The following SPAST variants were observed in gnomAD, a reference collection of about 807,000 sequenced individuals.
SPAST encodes spastin.
A neutral mutation model predicts 76.6 loss-of-function variants in SPAST; 30 were observed. That is an observed-to-expected ratio of 0.39 (90% confidence interval 0.29 to 0.53). The LOEUF (loss-of-function observed/expected upper bound fraction) is 0.53, where lower values mean the gene tolerates loss of function less well. SPAST is among the 20% of genes least tolerant of loss of function. The pLI, the probability that SPAST is intolerant of heterozygous loss-of-function variation, is 0.68. For missense variants in SPAST, 717 were observed against 770.5 expected (o/e 0.93, Z 0.82); for synonymous variants, 305 against 281.0 (o/e 1.09, Z -0.86).
At chr2:32,143,458 T>G in intron 14 of SPAST, 43 bp downstream of exon 14, 1 of 1,145,316 alleles carries the variant, frequency 8.7e-7, no homozygotes, top group East Asian at 2.5e-5. Flanking sequence ...TTTTATTTAT[T>G]TTTTGTAAAT....
At chr2:32,105,381 T>C (rs1383079992) in intron 4 of SPAST, among the ~76,000 whole-genome samples, 7 of 152,208 alleles carry the variant, frequency 4.6e-5, no homozygotes, top group Non-Finnish European at 4.4e-5. Flanking sequence ...TTTTAGCTTC[T>C]TTGCAATGGT....
intron 15 of SPAST, among the ~76,000 whole-genome samples, chr2:32,146,574 G>C (rs1679892329): frequency 6.6e-6 from 1 of 150,998 alleles, no homozygotes; most frequent in African/African-American, 2.4e-5. Context: ...GTCTTAAAAA[G>C]TAAATAAATA....
chr2:32,146,732 G>A (rs1002670335), intron 15 of SPAST, among the ~76,000 whole-genome samples: 1 of 151,650 alleles, frequency 6.6e-6, no homozygotes, highest in Non-Finnish European at 1.5e-5. Context: ...AGGCGTGGTT[G>A]TGCGCACCTG....
At chr2:32,141,809 T>G in intron 12 of SPAST, 95 bp from the exon 13 acceptor site, 2 of 978,166 alleles carry the variant, frequency 2.0e-6, no homozygotes, top group Admixed American at 2.1e-5. Context: ...TTCCAGTGCC[T>G]TGAATATTAT....
At chr2:32,073,906 T>G (rs1676850004) in intron 1 of SPAST, among the ~76,000 whole-genome samples, 1 of 152,186 alleles carries the variant, frequency 6.6e-6, no homozygotes, top group Non-Finnish European at 1.5e-5. Flanking sequence ...TTACATAACT[T>G]TTCTGCTCTT....
intron 9 of SPAST, chr2:32,129,888 A>C (rs990045586): frequency 2.0e-5 from 3 of 152,352 alleles, no homozygotes; most frequent in African/African-American, 7.3e-5. Context: ...AGTCCCAGCT[A>C]CTCAGGAAGC....
intron 1 of SPAST, among the ~76,000 whole-genome samples, chr2:32,075,917 T>TC (rs1676945332): frequency 6.9e-6 from 1 of 144,062 alleles, no homozygotes; most frequent in Non-Finnish European, 1.5e-5. Context: ...TTTTTTTTTT[T>TC]TGAGACAGAG....
chr2:32,083,979 A>G (rs947227207), intron 1 of SPAST, among the ~76,000 whole-genome samples: 4 of 148,624 alleles, frequency 2.7e-5, no homozygotes, highest in Admixed American at 2.0e-4. Context: ...GAGTTTCGCC[A>G]TGTTGTCCAG....
rs150777408 is a variant in SPAST, at chr2:32,111,853, G to A, written c.683-2785G>A. Among the ~76,000 whole-genome samples the A allele has an allele frequency of 8.9e-3, 1,343 of 151,250 alleles. 23 individuals carry two copies. Among genetic ancestry groups the A allele is most frequent in the South Asian group, 0.049 (237 of 4,808 alleles). ...ACAAACATTTGTTACTTCTGATAGAGAGTCTGCTGTCATTCTCATACTTGT... is the reference window on the plus strand; with the variant it reads ...ACAAACATTTGTTACTTCTGATAGAAAGTCTGCTGTCATTCTCATACTTGT... On this transcript the variant is annotated intron_variant, in intron 4 of 16. Coordinates refer to ENST00000315285, the MANE Select transcript of SPAST (RefSeq NM_014946.4).
At chr2:32,094,573 A>C (rs2148714305) in intron 3 of SPAST, among the ~76,000 whole-genome samples, 1 of 152,360 alleles carries the variant, frequency 6.6e-6, no homozygotes, top group South Asian at 2.1e-4. Context: ...ATGAAGTCAG[A>C]GAACTCATGC....
intron 4 of SPAST, among the ~76,000 whole-genome samples, chr2:32,104,195 A>G (rs1028494780): frequency 6.6e-6 from 1 of 152,158 alleles, no homozygotes; most frequent in Non-Finnish European, 1.5e-5. Flanking sequence ...TGATCCCTTT[A>G]GCATTATATG....
chr2:32,078,270 C>G (rs1010017506), intron 1 of SPAST, among the ~76,000 whole-genome samples: 15 of 152,186 alleles, frequency 9.9e-5, no homozygotes, highest in African/African-American at 3.6e-4. Flanking sequence ...CTCCCAGGTT[C>G]AAGTGATTGT....
intron 1 of SPAST, 60 bp downstream of exon 1, chr2:32,064,306 G>C (rs1224395849): frequency 7.5e-7 from 1 of 1,332,332 alleles, no homozygotes; most frequent in Non-Finnish European, 1.0e-6. Flanking sequence ...GGGGTCGCCG[G>C]GGGAGGGCAA....
chr2:32,112,346 CTTT>C (rs11434154), intron 4 of SPAST, among the ~76,000 whole-genome samples: 1 of 132,940 alleles, frequency 7.5e-6, no homozygotes, highest in Non-Finnish European at 1.6e-5. Flanking sequence ...CTGAATGTGG[CTTT>C]TTTTTTTTTT....
intron 6 of SPAST, 109 bp from the exon 7 acceptor site, chr2:32,116,010 G>C (rs1678819364): frequency 9.3e-6 from 9 of 971,742 alleles, no homozygotes; most frequent in Non-Finnish European, 1.3e-5. Context: ...TTTAACTATA[G>C]TTTAACAGTT....
intron 7 of SPAST, among the ~76,000 whole-genome samples, chr2:32,122,960 T>G (rs1009197738): frequency 5.3e-5 from 8 of 151,918 alleles, no homozygotes; most frequent in African/African-American, 1.7e-4. Context: ...CAACTGGAAT[T>G]TGAAATTAAA....
At chr2:32,135,169 G>A (rs989654565) in intron 9 of SPAST, among the ~76,000 whole-genome samples, 1 of 149,126 alleles carries the variant, frequency 6.7e-6, no homozygotes, top group South Asian at 2.1e-4. Context: ...TTGCTCTGTC[G>A]CCCGGGCTGG....
intron 1 of SPAST, among the ~76,000 whole-genome samples, chr2:32,083,741 T>TATATA (rs1677340464): frequency 1.8e-5 from 1 of 57,142 alleles, no homozygotes; most frequent in Non-Finnish European, 3.2e-5. Flanking sequence ...CTATATATAT[T>TATATA]TATATATACT....
chr2:32,113,012 C>A (rs908346434), intron 4 of SPAST, among the ~76,000 whole-genome samples: 3 of 152,090 alleles, frequency 2.0e-5, no homozygotes, highest in African/African-American at 7.2e-5. Flanking sequence ...GGACAAATAA[C>A]CTTTTCAACT....
Sources: allele counts gnomAD v4.1 joint callset (sites outside exome capture counted in the v4.1 genomes callset), GRCh38; gene constraint gnomAD v4.1.1; transcripts MANE v1.5; gene names NCBI Gene and HGNC (gene_info 2026-07-23, HGNC 2026-07-21).